TTC6: variants seen among roughly 807,000 people sequenced by gnomAD.
TTC6 encodes tetratricopeptide repeat protein 6.
TTC6 carries 172 observed loss-of-function variants against 210.4 expected under a neutral mutation model. The observed-to-expected ratio is 0.82, with a 90% confidence interval of 0.72 to 0.93. The LOEUF is 0.93. TTC6 is among the 40% of genes least tolerant of loss of function. The pLI, the probability that TTC6 is intolerant of heterozygous loss-of-function variation, is 0.00. For missense variants in TTC6, 2,414 were observed against 2,318.1 expected (o/e 1.04, Z -0.85); for synonymous variants, 804 against 819.6 (o/e 0.98, Z 0.32).
intron 15 of TTC6, 71 bp from the exon 18 acceptor site, chr14:37,790,646 C>T: frequency 1.6e-6 from 2 of 1,269,430 alleles, no homozygotes; most frequent in Non-Finnish European, 1.1e-6. Context: ...AGGAAGTTTA[C>T]AGACTAAAGT....
chr14:37,675,689 G>A (rs895588277), intron 1 of TTC6, among the ~76,000 whole-genome samples: 1 of 151,818 alleles, frequency 6.6e-6, no homozygotes, highest in Non-Finnish European at 1.5e-5. Context: ...ATTCCCGGTA[G>A]CAGCATACGA....
intron 5 of TTC6, among the ~76,000 whole-genome samples, chr14:37,710,868 G>A (rs2095843543): frequency 1.3e-5 from 2 of 152,118 alleles, no homozygotes; most frequent in South Asian, 4.1e-4. Flanking sequence ...AAGGGGTCTG[G>A]GAAGGTGTAG....
At chr14:37,632,306 A>G (rs2095671429) in intron 1 of TTC6, among the ~76,000 whole-genome samples, 1 of 152,076 alleles carries the variant, frequency 6.6e-6, no homozygotes, top group African/African-American at 2.4e-5. Context: ...TTTTGTGTGG[A>G]CATCCTTTTG....
chr14:37,672,976 C>T (rs908254657), intron 1 of TTC6, among the ~76,000 whole-genome samples: 2 of 152,032 alleles, frequency 1.3e-5, no homozygotes, highest in African/African-American at 4.8e-5. Context: ...AAGTAATGGA[C>T]TATGTTCTGT....
rs1287007874 is a variant in TTC6, at chr14:37,688,508, G to T, written c.1257+5544G>T. Among the ~76,000 whole-genome samples the T allele has an allele frequency of 3.9e-5, 6 of 152,114 alleles. No individual in the cohort carries two copies. The South Asian group carries it at 1.0e-3, about 26-fold the overall frequency. On this transcript the variant is annotated intron_variant, in intron 3 of 30. Coordinates refer to ENST00000553443, the Ensembl canonical transcript of TTC6. ...GAGACCCAGAGCTGTGCTGGCTTCA[G>T]ATCTGACCCAGTGCAGTCCTAGGAA...
At chr14:37,630,637 G>A (rs780747695) in intron 1 of TTC6, among the ~76,000 whole-genome samples, 9 of 151,886 alleles carry the variant, frequency 5.9e-5, no homozygotes, top group Non-Finnish European at 1.2e-4. Flanking sequence ...AATATCCTTG[G>A]TAATTTTTTA....
At chr14:37,693,825 G>C (rs1389824485) in intron 3 of TTC6, among the ~76,000 whole-genome samples, 1 of 152,028 alleles carries the variant, frequency 6.6e-6, no homozygotes, top group Non-Finnish European at 1.5e-5. Flanking sequence ...AACATATGCT[G>C]GGGAAAAGGG....
exon 19 of TTC6, chr14:37,796,349 C>G (rs778242272): frequency 8.0e-7 from 1 of 1,244,294 alleles, no homozygotes; most frequent in South Asian, 1.4e-5. Flanking sequence ...TACTATTTAT[C>G]AAATAGCAGA....
Position 37,692,860 on chromosome 14 carries a change from AAAATAAATAAAT to A in TTC6, c.1258-3824_1258-3813del, listed in dbSNP as rs3985274. Among the ~76,000 whole-genome samples, 324 of 143,620 alleles carry A rather than the reference AAAATAAATAAAT, an allele frequency of 2.3e-3. 1 individual carries two copies. The highest frequency in any genetic ancestry group is 0.012 in the South Asian group (53 of 4,404). The allele number at this position is 143,620 out of a possible 152,430, so 94.2% of individuals were successfully genotyped here. ...AGCAACAGAGCAAGACTCCATCTCA[AAAATAAATAAAT>A]AAATAAATAAATAAATAAATAAATA... On this transcript the variant is annotated intron_variant, in intron 3 of 30. Coordinates refer to ENST00000553443, the Ensembl canonical transcript of TTC6.
At chr14:37,601,410 A>T (rs1333552015) in intron 1 of TTC6, among the ~76,000 whole-genome samples, 1 of 152,202 alleles carries the variant, frequency 6.6e-6, no homozygotes, top group Non-Finnish European at 1.5e-5. Flanking sequence ...TTGTTGAGTC[A>T]GTCAACTAAC....
At chr14:37,665,450 G>C (rs999460828) in intron 1 of TTC6, among the ~76,000 whole-genome samples, 6 of 150,210 alleles carry the variant, frequency 4.0e-5, no homozygotes, top group Non-Finnish European at 9.0e-5. Context: ...TGAATGATGA[G>C]AACACATGGA....
chr14:37,711,939 C>T (rs1057195276), intron 5 of TTC6, among the ~76,000 whole-genome samples: 1 of 152,014 alleles, frequency 6.6e-6, no homozygotes, highest in Non-Finnish European at 1.5e-5. Context: ...CAGTCTGAAC[C>T]ACTGAGATAG....
At chr14:37,683,413 T>C (rs2095788111) in intron 3 of TTC6, among the ~76,000 whole-genome samples, 1 of 152,194 alleles carries the variant, frequency 6.6e-6, no homozygotes, top group South Asian at 2.1e-4. Flanking sequence ...GTTTACATAA[T>C]TTTTATCATA....
intron 3 of TTC6, among the ~76,000 whole-genome samples, chr14:37,688,275 T>C (rs1205548120): frequency 6.6e-6 from 1 of 152,178 alleles, no homozygotes; most frequent in African/African-American, 2.4e-5. Flanking sequence ...AGTTTAGCTG[T>C]AGTGCAATAG....
At chr14:37,649,216 A>C (rs973098052) in intron 1 of TTC6, among the ~76,000 whole-genome samples, 3 of 152,124 alleles carry the variant, frequency 2.0e-5, no homozygotes, top group Admixed American at 6.6e-5. Flanking sequence ...GGGGCCTGCT[A>C]AACTTTTGTG....
chr14:37,705,482 T>G (rs1595130033), intron 5 of TTC6, among the ~76,000 whole-genome samples: 1 of 152,148 alleles, frequency 6.6e-6, no homozygotes, highest in East Asian at 1.9e-4. Flanking sequence ...ACTTTTCCTT[T>G]TGCAAATAAA....
intron 10 of TTC6, among the ~76,000 whole-genome samples, chr14:37,740,192 T>A (rs1435444326): frequency 6.6e-6 from 1 of 151,954 alleles, no homozygotes; most frequent in Non-Finnish European, 1.5e-5. Flanking sequence ...ATAATTTTTT[T>A]AATATTGTAA....
At position 37,636,337 on chromosome 14, in the gene TTC6, G is replaced by A. The variant is rs186889373; in HGVS notation, c.939+13334G>A. Among the ~76,000 whole-genome samples, 572 of 152,188 alleles carry A rather than the reference G, an allele frequency of 3.8e-3. 6 individuals carry two copies. The highest frequency in any genetic ancestry group is 6.0e-3 in the Non-Finnish European group (410 of 68,008). On this transcript the variant is annotated intron_variant, in intron 1 of 30. Coordinates refer to ENST00000553443, the Ensembl canonical transcript of TTC6. ...GAATACACATTTTTGTCAACTGCCCGTGGATCATATACTAAGATGGACCAT... is the reference window on the plus strand; with the variant it reads ...GAATACACATTTTTGTCAACTGCCCATGGATCATATACTAAGATGGACCAT...
intron 1 of TTC6, among the ~76,000 whole-genome samples, chr14:37,634,565 A>G (rs1480385643): frequency 6.6e-6 from 1 of 152,196 alleles, no homozygotes; most frequent in Non-Finnish European, 1.5e-5. Context: ...GAAAAAGTAC[A>G]AAAAGAAATA....
Sources: allele counts gnomAD v4.1 joint callset (sites outside exome capture counted in the v4.1 genomes callset), GRCh38; gene constraint gnomAD v4.1.1; transcripts MANE v1.5; gene names NCBI Gene and HGNC (gene_info 2026-07-23, HGNC 2026-07-21).